Variants in TMEM132D observed in about 807,000 individuals in gnomAD.
TMEM132D encodes mature OL transmembrane protein.
TMEM132D carries 21 observed loss-of-function variants against 62.3 expected under a neutral mutation model. That is an observed-to-expected ratio of 0.34 (90% CI 0.24 to 0.49). The LOEUF (loss-of-function observed/expected upper bound fraction) is 0.49, where lower values mean the gene tolerates loss of function less well. Ranked by LOEUF, TMEM132D falls within the 20% of genes least tolerant of loss-of-function variation. The pLI is 0.99. For synonymous variants in TMEM132D, 621 were observed against 575.6 expected, an observed-to-expected ratio of 1.08 and a Z score of -1.13; for missense variants, 1,346 against 1,402.8, an observed-to-expected ratio of 0.96 and a Z score of 0.65.
intron 1 of TMEM132D, among the ~76,000 whole-genome samples, chr12:129,901,384 G>A (rs1225942122): frequency 6.6e-6 from 1 of 152,068 alleles, no homozygotes; most frequent in Non-Finnish European, 1.5e-5. Flanking sequence ...TAGGGGTGTT[G>A]ATTTTTTTCT....
rs373954498 is a variant in TMEM132D at position 129,089,106 on chromosome 12, C to T, written c.1444-4404G>A. Among the ~76,000 whole-genome samples the T allele has an allele frequency of 6.9e-4, 29 of 42,260 alleles. 10 individuals are homozygous for T. The East Asian group carries it at 0.029, about 42-fold the overall frequency. 27.7% of individuals were successfully genotyped at this position (42,260 alleles called of 152,430 possible). On this transcript the variant is annotated intron_variant, in intron 5 of 8. Coordinates refer to ENST00000422113, the MANE Select transcript of TMEM132D (RefSeq NM_133448.3). Reference sequence around the variant, plus strand: ...TGTCCTCCATGACCGGGGTGTCCTCCATGACCGGGGTGTCCTCTATGACCG... The same window carrying T: ...TGTCCTCCATGACCGGGGTGTCCTCTATGACCGGGGTGTCCTCTATGACCG...
intron 1 of TMEM132D, among the ~76,000 whole-genome samples, chr12:129,824,043 C>T (rs1333833438): frequency 3.9e-5 from 6 of 152,050 alleles, no homozygotes; most frequent in African/African-American, 9.7e-5. Flanking sequence ...GACACTCTAC[C>T]GTGGGCCAGT....
intron 2 of TMEM132D, among the ~76,000 whole-genome samples, chr12:129,593,532 G>A (rs1179123741): frequency 6.6e-6 from 1 of 152,318 alleles, no homozygotes; most frequent in Admixed American, 6.5e-5. Context: ...CTGAAAGTGG[G>A]TGGGGAGCAG....
intron 2 of TMEM132D, among the ~76,000 whole-genome samples, chr12:129,545,115 G>A (rs1876695902): frequency 6.6e-6 from 1 of 152,146 alleles, no homozygotes; most frequent in African/African-American, 2.4e-5. Context: ...TGAATCTTGG[G>A]AATTTTCCAG....
intron 2 of TMEM132D, among the ~76,000 whole-genome samples, chr12:129,604,627 A>C (rs1465644117): frequency 2.0e-5 from 3 of 152,182 alleles, no homozygotes; most frequent in Admixed American, 6.5e-5. Context: ...TTTCAGTTGA[A>C]TTAGAGAAGA....
At chr12:129,615,149 A>T (rs1878879844) in intron 2 of TMEM132D, among the ~76,000 whole-genome samples, 1 of 152,184 alleles carries the variant, frequency 6.6e-6, no homozygotes, top group Admixed American at 6.5e-5. Flanking sequence ...GAACAGGGAA[A>T]TTTGGATTCT....
At chr12:129,472,181 A>G (rs1874110559) in intron 3 of TMEM132D, among the ~76,000 whole-genome samples, 1 of 152,196 alleles carries the variant, frequency 6.6e-6, no homozygotes, top group Non-Finnish European at 1.5e-5. Flanking sequence ...ACAGCTGGAG[A>G]GGAGAAGTCA....
intron 2 of TMEM132D, among the ~76,000 whole-genome samples, chr12:129,637,515 G>A (rs1879514108): frequency 6.6e-6 from 1 of 152,086 alleles, no homozygotes; most frequent in South Asian, 2.1e-4. Flanking sequence ...AGAACTGGTT[G>A]GTCAAAAGCG....
chr12:129,864,257 T>C (rs540167910), intron 1 of TMEM132D, among the ~76,000 whole-genome samples: 2 of 152,288 alleles, frequency 1.3e-5, no homozygotes, highest in South Asian at 4.1e-4. Flanking sequence ...TGTCAGGCCT[T>C]GAGATGATTC....
chr12:129,275,526 C>T (rs541548664), intron 4 of TMEM132D, among the ~76,000 whole-genome samples: 72 of 152,158 alleles, frequency 4.7e-4, no homozygotes, highest in Non-Finnish European at 8.4e-4. Flanking sequence ...ACAAACTACA[C>T]GCTCAGGAAA....
rs1051058183 is a variant in TMEM132D at position 129,716,404 on chromosome 12, C to T, written c.80-15706G>A. 5.4e-4 allele frequency among the ~76,000 whole-genome samples: 82 copies of T among 152,140 alleles called. 1 individual carries two copies. The highest frequency in any genetic ancestry group is 1.9e-3 in the African/African-American group (80 of 41,422). On this transcript the variant is annotated intron_variant, in intron 1 of 8. Coordinates refer to ENST00000422113, the MANE Select transcript of TMEM132D (RefSeq NM_133448.3). ...CAGAAGTCAAGAGAACACGTGGGAACGCCTGTGAGGGTCAGGGCAACTCTC... is the reference window on the plus strand; with the variant it reads ...CAGAAGTCAAGAGAACACGTGGGAATGCCTGTGAGGGTCAGGGCAACTCTC...
chr12:129,565,245 G>C (rs1044049719), intron 2 of TMEM132D, among the ~76,000 whole-genome samples: 5 of 152,162 alleles, frequency 3.3e-5, no homozygotes, highest in African/African-American at 1.2e-4. Flanking sequence ...CCACAAACCT[G>C]GTTGGGAACT....
At chr12:129,621,005 G>T (rs1879051618) in intron 2 of TMEM132D, among the ~76,000 whole-genome samples, 1 of 152,096 alleles carries the variant, frequency 6.6e-6, no homozygotes, top group African/African-American at 2.4e-5. Flanking sequence ...AAAAAATAAA[G>T]AAGTCAGGTC....
Position 129,435,489 on chromosome 12 carries a change from T to C in TMEM132D, c.1115+95570A>G, listed in dbSNP as rs112190513. ...ACATCTGTGCCAGTATTTGTTATTT[T>C]TTGTCTTTTTGATAATAACCATTCT... On this transcript the variant is annotated intron_variant, in intron 3 of 8. Coordinates refer to ENST00000422113, the MANE Select transcript of TMEM132D (RefSeq NM_133448.3). 2.8e-3 allele frequency among the ~76,000 whole-genome samples: 426 copies of C among 152,324 alleles called. 1 individual carries two copies. The highest frequency in any genetic ancestry group is 9.9e-3 in the African/African-American group (411 of 41,564).
chr12:129,223,345 G>A (rs1879397615), intron 4 of TMEM132D, among the ~76,000 whole-genome samples: 1 of 152,132 alleles, frequency 6.6e-6, no homozygotes, highest in Non-Finnish European at 1.5e-5. Flanking sequence ...CTTGCTCTTG[G>A]AACTCAGTCA....
chr12:129,718,064 G>GC (rs1211242136), intron 1 of TMEM132D, among the ~76,000 whole-genome samples: 2 of 152,220 alleles, frequency 1.3e-5, no homozygotes, highest in African/African-American at 4.8e-5. Context: ...GCTCACTCCT[G>GC]CTAGGGCCCC....
At chr12:129,647,124 A>G (rs1879805096) in intron 2 of TMEM132D, among the ~76,000 whole-genome samples, 1 of 3,472 alleles carries the variant, frequency 2.9e-4, no homozygotes, top group Non-Finnish European at 0.012. Flanking sequence ...ATACATACAT[A>G]TATATATATA....
Position 129,643,847 on chromosome 12 carries a change from A to ATT in TMEM132D, c.968+55961_968+55962dup, listed in dbSNP as rs531369497. On this transcript the variant is annotated intron_variant, in intron 2 of 8. Transcript: ENST00000422113. ...CAATTCCGAACAGAACCAATGTACC[A>ATT]TTTTTTTTTTTTTTTTGAGACAGAG... 3.3e-3 allele frequency among the ~76,000 whole-genome samples: 467 copies of ATT among 142,220 alleles called. 4 individuals carry two copies. Among genetic ancestry groups the ATT allele is most frequent in the South Asian group, 0.014 (62 of 4,364 alleles). The allele number at this position is 142,220 out of a possible 152,430, so 93.3% of individuals were successfully genotyped here.
At chr12:129,112,553 C>T (rs1202756368) in intron 5 of TMEM132D, among the ~76,000 whole-genome samples, 1 of 152,192 alleles carries the variant, frequency 6.6e-6, no homozygotes, top group Non-Finnish European at 1.5e-5. Flanking sequence ...ATTCCAGCTA[C>T]TCAGGAGGCT....
Sources: allele counts gnomAD v4.1 joint callset (sites outside exome capture counted in the v4.1 genomes callset), GRCh38; gene constraint gnomAD v4.1.1; transcripts MANE v1.5; gene names NCBI Gene and HGNC (gene_info 2026-07-23, HGNC 2026-07-21).